COMMD1: variants seen among roughly 807,000 people sequenced by gnomAD.
The protein encoded by COMMD1 is COMM domain-containing protein 1.
COMMD1 carries 10 observed loss-of-function variants against 17.2 expected under a neutral mutation model. That is an observed-to-expected ratio of 0.58 (90% confidence interval 0.36 to 0.99). The LOEUF is 0.99. Among genes scored for constraint, COMMD1 ranks in the 50% least tolerant of loss-of-function variants. The probability of loss-of-function intolerance (pLI) is 0.01; values close to 1 mark genes in which losing one functional copy is unlikely to be tolerated. For missense variants in COMMD1, 270 were observed against 231.8 expected (o/e 1.17, Z -1.07); for synonymous variants, 97 against 91.6 (o/e 1.06, Z -0.34).
chr2:62,032,730 C>G (rs1349163324), intron 2 of COMMD1, among the ~76,000 whole-genome samples: 3 of 152,044 alleles, frequency 2.0e-5, no homozygotes, highest in African/African-American at 7.3e-5. Flanking sequence ...CTCTCCTTCT[C>G]TCCTCTCTCT....
intron 2 of COMMD1, among the ~76,000 whole-genome samples, chr2:62,067,003 G>A (rs1671070161): frequency 6.6e-6 from 1 of 152,164 alleles, no homozygotes; most frequent in Admixed American, 6.5e-5. Context: ...TGGGATTACA[G>A]GCTTGAGCCA....
At position 61,905,733 on chromosome 2, in the gene COMMD1, C is replaced by T. The variant is rs1294949546; in HGVS notation, c.55C>T (p.Leu19=). 1 of 1,612,152 alleles carries T rather than the reference C, an allele frequency of 6.2e-7. No homozygotes were observed. The highest frequency in any genetic ancestry group is 8.5e-7 in the Non-Finnish European group (1 of 1,179,026). Residue 19 remains leucine, a synonymous_variant, in exon 1 of 3, where the codon CTG becomes TTG. Coordinates refer to ENST00000311832, the MANE Select transcript of COMMD1 (RefSeq NM_152516.4). Reference sequence around the variant, plus strand: ...ACCCCTGAGCGGGCTGCTGAATGCGCTGGCCCAGGACACTTTCCACGGGTA... The same window carrying T: ...ACCCCTGAGCGGGCTGCTGAATGCGTTGGCCCAGGACACTTTCCACGGGTA... ...GKPLSGLLNA[L]AQDTFHGYPG...
At chr2:62,124,375 T>G (rs1046854336) in intron 2 of COMMD1, among the ~76,000 whole-genome samples, 2 of 152,232 alleles carry the variant, frequency 1.3e-5, no homozygotes, top group Non-Finnish European at 2.9e-5. Context: ...TTTGCAGAGC[T>G]GCTGTGATAT....
chr2:62,134,805 C>T (rs1174868634), intron 2 of COMMD1, among the ~76,000 whole-genome samples: 1 of 152,012 alleles, frequency 6.6e-6, no homozygotes, highest in Non-Finnish European at 1.5e-5. Flanking sequence ...ATCTACCTAA[C>T]CTAGGATTGA....
intron 1 of COMMD1, among the ~76,000 whole-genome samples, chr2:61,983,219 T>G (rs1281010311): frequency 6.7e-6 from 1 of 149,666 alleles, no homozygotes; most frequent in Non-Finnish European, 1.5e-5. Flanking sequence ...AGATGGAGTC[T>G]CCCTCTGTCG....
At chr2:61,891,407 A>T (rs1669427090) in intron 1 of COMMD1, among the ~76,000 whole-genome samples, 1 of 152,216 alleles carries the variant, frequency 6.6e-6, no homozygotes, top group South Asian at 2.1e-4. Context: ...AATGTACATT[A>T]TTTCTCCATT....
chr2:61,974,054 G>T (rs1456808645), intron 1 of COMMD1, among the ~76,000 whole-genome samples: 1 of 152,244 alleles, frequency 6.6e-6, no homozygotes, highest in African/African-American at 2.4e-5. Context: ...CAGCACTTGG[G>T]AGGCTGAGGT....
intron 1 of COMMD1, among the ~76,000 whole-genome samples, chr2:61,987,677 C>T (rs1339007454): frequency 2.0e-5 from 3 of 152,160 alleles, no homozygotes; most frequent in Non-Finnish European, 4.4e-5. Flanking sequence ...CCACTGTAAC[C>T]ACTACCTGGC....
chr2:61,983,379 A>T (rs1415547662), intron 1 of COMMD1, among the ~76,000 whole-genome samples: 10 of 134,460 alleles, frequency 7.4e-5, no homozygotes, highest in Admixed American at 7.0e-4. Flanking sequence ...ATTAGTAGAG[A>T]TGGGGTTTAC....
intron 1 of COMMD1, among the ~76,000 whole-genome samples, chr2:61,980,931 G>A (rs954112462): frequency 1.3e-5 from 2 of 152,158 alleles, no homozygotes; most frequent in Admixed American, 6.5e-5. Flanking sequence ...TTTCATGTAT[G>A]TTTGCCTTTT....
Position 61,951,594 on chromosome 2 carries a change from C to T in COMMD1, c.180+45736C>T, listed in dbSNP as rs182759762. ...TTTCTAAAATATATTAAAACTCTTACCTGGGACTTTCATTATTTTAACAGC... is the reference window on the plus strand; with the variant it reads ...TTTCTAAAATATATTAAAACTCTTATCTGGGACTTTCATTATTTTAACAGC... On this transcript the variant is annotated intron_variant, in intron 1 of 2. Coordinates refer to ENST00000311832, the MANE Select transcript of COMMD1 (RefSeq NM_152516.4). Among the ~76,000 whole-genome samples the T allele has an allele frequency of 2.1e-3, 327 of 152,186 alleles. 2 individuals are homozygous for T. The highest frequency in any genetic ancestry group is 7.0e-3 in the African/African-American group (290 of 41,514).
chr2:62,033,193 G>A (rs913457367), intron 2 of COMMD1, among the ~76,000 whole-genome samples: 3 of 152,078 alleles, frequency 2.0e-5, no homozygotes, highest in African/African-American at 7.2e-5. Flanking sequence ...TAAAAAAAAA[G>A]AAATTAATTT....
At chr2:62,053,736 G>A (rs1226921861) in intron 2 of COMMD1, among the ~76,000 whole-genome samples, 2 of 151,982 alleles carry the variant, frequency 1.3e-5, no homozygotes, top group Non-Finnish European at 2.9e-5. Context: ...CAGAGAAGAA[G>A]GGCTTTTGTG....
chr2:61,984,127 C>T (rs759258897), intron 1 of COMMD1, among the ~76,000 whole-genome samples: 4 of 152,106 alleles, frequency 2.6e-5, no homozygotes, highest in East Asian at 1.9e-4. Context: ...CAGGTTCAAG[C>T]GATTCTCCCA....
chr2:62,001,635 A>G (rs1021771072), intron 2 of COMMD1, among the ~76,000 whole-genome samples: 2 of 152,214 alleles, frequency 1.3e-5, no homozygotes, highest in Non-Finnish European at 2.9e-5. Context: ...TTGGGGAAAA[A>G]AAAAGAAACT....
intron 1 of COMMD1, among the ~76,000 whole-genome samples, chr2:61,983,969 G>C (rs920197666): frequency 6.6e-6 from 1 of 152,122 alleles, no homozygotes; most frequent in African/African-American, 2.4e-5. Context: ...GGGACTTATA[G>C]CTATAAACTT....
intron 1 of COMMD1, among the ~76,000 whole-genome samples, chr2:61,998,082 T>C (rs1668813487): frequency 6.6e-6 from 1 of 152,184 alleles, no homozygotes; most frequent in Non-Finnish European, 1.5e-5. Context: ...CTTCAAACTT[T>C]TCTTCTGTAA....
chr2:61,994,370 T>G (rs539119745), intron 1 of COMMD1, among the ~76,000 whole-genome samples: 1 of 152,230 alleles, frequency 6.6e-6, no homozygotes, highest in Non-Finnish European at 1.5e-5. Context: ...GTTTATTGAA[T>G]TGTAATGTGA....
At chr2:61,946,395 A>G (rs1670906248) in intron 1 of COMMD1, among the ~76,000 whole-genome samples, 1 of 150,738 alleles carries the variant, frequency 6.6e-6, no homozygotes, top group Non-Finnish European at 1.5e-5. Flanking sequence ...GTTTGATTAA[A>G]TAGGGTCCCA....
Sources: allele counts gnomAD v4.1 joint callset (sites outside exome capture counted in the v4.1 genomes callset), GRCh38; gene constraint gnomAD v4.1.1; transcripts MANE v1.5; gene names NCBI Gene and HGNC (gene_info 2026-07-23, HGNC 2026-07-21).